The following ANKRD30B variants were observed in gnomAD, a reference collection of about 807,000 sequenced individuals.
ANKRD30B encodes the protein ankyrin repeat domain 30B, also known as ankyrin repeat domain-containing protein 30B.
ANKRD30B carries 144 observed loss-of-function variants against 202.2 expected under a neutral mutation model. The observed-to-expected ratio is 0.71, with a 90% CI of 0.62 to 0.82. The LOEUF (loss-of-function observed/expected upper bound fraction) is 0.82. Among genes scored for constraint, ANKRD30B ranks in the 40% least tolerant of loss-of-function variants. The pLI is 0.00. For synonymous variants in ANKRD30B, 508 were observed against 561.3 expected, an observed-to-expected ratio of 0.91 and a Z score of 1.34; for missense variants, 1,487 against 1,669.1, an observed-to-expected ratio of 0.89 and a Z score of 1.90.
the ANKRD30B span, among the ~76,000 whole-genome samples, chr18:14,932,441 A>G: frequency 6.6e-6 from 1 of 151,992 alleles, no homozygotes; most frequent in Admixed American, 6.5e-5. Flanking sequence ...GGTTCACGAC[A>G]TTCTCCTCCC....
the ANKRD30B span, among the ~76,000 whole-genome samples, chr18:14,868,680 G>C: frequency 3.9e-5 from 6 of 152,398 alleles, no homozygotes; most frequent in East Asian, 9.6e-4. Flanking sequence ...GGTATCACTT[G>C]TATCATCAAA....
chr18:14,786,858 C>A (rs773339882), intron 14 of ANKRD30B, among the ~76,000 whole-genome samples, 181 bp from the exon 15 acceptor site: 3 of 152,146 alleles, frequency 2.0e-5, no homozygotes, highest in Non-Finnish European at 4.4e-5. Context: ...AATTTTCAGA[C>A]TTTTTAGGTT....
the ANKRD30B span, among the ~76,000 whole-genome samples, chr18:14,936,667 C>A: frequency 3.3e-5 from 5 of 152,294 alleles, no homozygotes; most frequent in South Asian, 4.1e-4. Flanking sequence ...TAAGAAACAA[C>A]CTCTCTGTGT....
chr18:14,758,476 C>T (rs942335831), intron 5 of ANKRD30B, among the ~76,000 whole-genome samples: 16 of 152,150 alleles, frequency 1.1e-4, no homozygotes, highest in African/African-American at 3.6e-4. Context: ...ACCTTTGTGA[C>T]CAGGATGCCC....
downstream of ANKRD30B, among the ~76,000 whole-genome samples, chr18:14,858,818 T>C (rs1290826464): frequency 1.2e-4 from 9 of 76,474 alleles, no homozygotes; most frequent in South Asian, 4.6e-4. Context: ...CAGGCAGAGG[T>C]GCTCCTCATT....
the ANKRD30B span, among the ~76,000 whole-genome samples, chr18:14,930,181 A>G: frequency 6.6e-6 from 1 of 152,312 alleles, no homozygotes; most frequent in South Asian, 2.1e-4. Flanking sequence ...TTCCTCCAGA[A>G]GGCAGGCTGC....
Position 14,757,903 on chromosome 18 carries a change from A to G in ANKRD30B, c.706A>G (p.Ile236Val). Residue 236 changes from isoleucine (I) to valine (V), a missense_variant, in exon 5 of 44, where the codon ATA becomes GTA. This residue lies in a region of ANKRD30B where 889 missense variants were observed against 841.4 expected (regional missense o/e 1.06). Transcript: ENST00000690538. ...QQNVDVFAED[I>V]HGITAERYAA... is the part of the protein sequence containing the mutation. ...AAATGTTGACGTCTTTGCTGAAGAC[A>G]TACATGGAATAACTGCAGAACGTTA... 2 of 1,611,330 alleles carry G rather than the reference A, an allele frequency of 1.2e-6. No individual in the cohort carries two copies. The highest frequency in any genetic ancestry group is 2.2e-5 in the South Asian group (2 of 90,848).
chr18:14,851,176 A>G (rs1238945360), intron 41 of ANKRD30B, among the ~76,000 whole-genome samples: 1 of 151,404 alleles, frequency 6.6e-6, no homozygotes. Context: ...CAATTTTTGT[A>G]TGTAGTCAAA....
intron 33 of ANKRD30B, among the ~76,000 whole-genome samples, chr18:14,830,002 T>C (rs1490395020): frequency 2.0e-5 from 3 of 152,168 alleles, no homozygotes; most frequent in Non-Finnish European, 4.4e-5. Flanking sequence ...AAATTAGTCA[T>C]GGAGCTTCAG....
chr18:14,820,376 C>G (rs906797478), intron 30 of ANKRD30B, among the ~76,000 whole-genome samples: 7 of 152,176 alleles, frequency 4.6e-5, no homozygotes, highest in African/African-American at 9.7e-5. Context: ...CCTCATTGCC[C>G]TGGCCAGAAC....
chr18:14,832,240 T>C (rs775317029), intron 34 of ANKRD30B, among the ~76,000 whole-genome samples: 13 of 152,174 alleles, frequency 8.5e-5, no homozygotes, highest in Non-Finnish European at 1.8e-4. Flanking sequence ...TAAATTCTCT[T>C]TCTCAGAATC....
the ANKRD30B span, chr18:14,888,963 C>T: frequency 4.2e-3 from 2,754 of 663,498 alleles, 62 homozygotes; most frequent in African/African-American, 0.048. Flanking sequence ...CTCAATTAAA[C>T]GAAGAGTAAG....
rs1484324498 is a variant in ANKRD30B, at chr18:14,822,660, G to C, written c.2726G>C (p.Arg909Thr). Residue 909 changes from arginine to threonine, a missense_variant, in exon 32 of 44, where the codon AGA becomes ACA. This residue lies in a region of ANKRD30B where 218 missense variants were observed against 320.1 expected (regional missense o/e 0.68). Coordinates refer to ENST00000690538, the MANE Select transcript of ANKRD30B (RefSeq NM_001367607.2). Reference sequence around the variant, plus strand: ...AATAAAGCCTTAGAATTGAAGGACAGAGAAACATTCAAAGCAGGTAAATTT... The same window carrying C: ...AATAAAGCCTTAGAATTGAAGGACACAGAAACATTCAAAGCAGGTAAATTT... ...LPNKALELKD[R>T]ETFKAEDVSS... 2 of 1,435,738 alleles carry C rather than the reference G, an allele frequency of 1.4e-6. No individual in the cohort carries two copies. The allele number at this position is 1,435,738 out of a possible 1,614,324, so 88.9% of individuals were successfully genotyped here.
At chr18:14,863,150 C>G in the ANKRD30B span, among the ~76,000 whole-genome samples, 12 of 151,804 alleles carry the variant, frequency 7.9e-5, no homozygotes, top group Non-Finnish European at 1.5e-5. Context: ...TTGTATTGTG[C>G]AATATGAGAA....
At position 14,809,717 on chromosome 18, in the gene ANKRD30B, A is replaced by T. The variant is rs868281427; in HGVS notation, c.2387-269A>T. Among the ~76,000 whole-genome samples the T allele has an allele frequency of 3.0e-4, 45 of 150,990 alleles. 3 individuals carry two copies. Among genetic ancestry groups the T allele is most frequent in the African/African-American group, 1.1e-3 (43 of 40,834 alleles). On this transcript the variant is annotated intron_variant, in intron 26 of 43. Coordinates refer to ENST00000690538, the MANE Select transcript of ANKRD30B (RefSeq NM_001367607.2). ...GCTGTTGGCTCATTCTGGCAGTCCA[A>T]CCTGGCATTGTCTTTACACAATCCT... is the stretch of plus-strand genomic sequence containing the variant.
At chr18:14,752,748 T>C in intron 2 of ANKRD30B, 68 bp downstream of exon 2, 1 of 1,536,598 alleles carries the variant, frequency 6.5e-7, no homozygotes, top group Non-Finnish European at 8.8e-7. Context: ...AAAATGAATT[T>C]AGTTGAAATA....
At chr18:14,766,472 C>CA (rs1168681924) in intron 7 of ANKRD30B, among the ~76,000 whole-genome samples, 19,385 of 55,572 alleles carry the variant, frequency 0.35, 5,548 homozygotes, top group East Asian at 0.62. Context: ...GACTCCATCT[C>CA]AAAAAAAAAA....
chr18:14,932,504 C>CT, the ANKRD30B span, among the ~76,000 whole-genome samples: 1,909 of 152,154 alleles, frequency 0.013, 46 homozygotes, highest in African/African-American at 0.044. Flanking sequence ...GCCCGGCTAA[C>CT]TTTTTTTGTA....
At chr18:14,888,026 A>G in the ANKRD30B span, among the ~76,000 whole-genome samples, 1 of 152,116 alleles carries the variant, frequency 6.6e-6, no homozygotes, top group Non-Finnish European at 1.5e-5. Context: ...GATTTTTGGA[A>G]ACATCCTTTT....
Sources: allele counts gnomAD v4.1 joint callset (sites outside exome capture counted in the v4.1 genomes callset), GRCh38; gene constraint gnomAD v4.1.1; regional missense constraint gnomAD v4.1.1; transcripts MANE v1.5; gene names NCBI Gene and HGNC (gene_info 2026-07-23, HGNC 2026-07-21).